The following MBIP variants were observed in gnomAD, a reference collection of about 807,000 sequenced individuals.
The protein encoded by MBIP is MAP3K12-binding inhibitory protein 1.
MBIP carries 32 observed loss-of-function variants against 45.7 expected under a neutral mutation model. The observed-to-expected ratio is 0.70, with a 90% CI of 0.53 to 0.94. MBIP has a LOEUF of 0.94. MBIP is among the 40% of genes least tolerant of loss of function. MBIP has a pLI of 0.00. For synonymous variants in MBIP, 145 were observed against 141.0 expected, an observed-to-expected ratio of 1.03 and a Z score of -0.20; for missense variants, 381 against 405.5, an observed-to-expected ratio of 0.94 and a Z score of 0.52.
chr14:36,299,243 G>T, intron 8 of MBIP, 53 bp from the exon 9 acceptor site: 1 of 1,188,942 alleles, frequency 8.4e-7, no homozygotes, highest in Non-Finnish European at 1.2e-6. Flanking sequence ...GTATCTTAAT[G>T]CAGATAAAGT....
chr14:36,320,381 C>T (rs1255267271), intron 1 of MBIP, 79 bp downstream of exon 1: 9 of 1,595,410 alleles, frequency 5.6e-6, no homozygotes, highest in African/African-American at 1.3e-5. Flanking sequence ...TAGCTGCCCC[C>T]GGCCTCTGCT....
chr14:36,307,872 T>C (rs555691666), intron 7 of MBIP: 8 of 305,090 alleles, frequency 2.6e-5, no homozygotes, highest in African/African-American at 1.1e-4. Context: ...GTGGGTAATA[T>C]ATAATAGAAG....
intron 7 of MBIP, among the ~76,000 whole-genome samples, chr14:36,301,720 A>G (rs1231008884): frequency 6.6e-6 from 1 of 152,256 alleles, no homozygotes; most frequent in African/African-American, 2.4e-5. Flanking sequence ...CAAATTTCTT[A>G]GTTGAAGCTA....
Position 36,314,642 on chromosome 14 carries a change from A to G in MBIP, c.475-34T>C, listed in dbSNP as rs752688629. ...AACAAGTTTTAACAGTGTAAACATA[A>G]GATTTTTTAAAATAATACCCTCTCG... On this transcript the variant is annotated intron_variant, in intron 3 of 8. Transcript: ENST00000416007. 3.7e-6 allele frequency: 6 copies of G among 1,606,468 alleles called. No individual in the cohort carries two copies. The Admixed American group carries it at 1.0e-4, about 27-fold the overall frequency.
At chr14:36,306,466 T>C (rs978653183) in intron 7 of MBIP, among the ~76,000 whole-genome samples, 1 of 152,020 alleles carries the variant, frequency 6.6e-6, no homozygotes, top group East Asian at 1.9e-4. Flanking sequence ...AGAGATGGGG[T>C]TTCTCCATGT....
Position 36,316,787 on chromosome 14 carries a change from T to A in MBIP, c.155A>T (p.Lys52Ile). 1 of 1,612,272 alleles carries A rather than the reference T, an allele frequency of 6.2e-7. No individual in the cohort carries two copies. Among genetic ancestry groups the A allele is most frequent in the Non-Finnish European group, 8.5e-7 (1 of 1,179,050 alleles). ...GAGCTTGTTCCAATCGATTGTAATTTTCACCACATCATCTCTGAGGTCAAG... is the reference window on the plus strand; with the variant it reads ...GAGCTTGTTCCAATCGATTGTAATTATCACCACATCATCTCTGAGGTCAAG... ...GQLDLRDDVV[K>I]ITIDWNKLQS... The change falls in exon 2 of 9, where the codon AAA (lysine) becomes ATA (isoleucine). Residue 52 changes from lysine to isoleucine, a missense_variant. By Grantham distance (102) the Lys-to-Ile change is moderately radical. Transcript: ENST00000416007.
intron 6 of MBIP, among the ~76,000 whole-genome samples, chr14:36,309,373 T>G (rs1880068991): frequency 6.6e-6 from 1 of 152,208 alleles, no homozygotes; most frequent in Non-Finnish European, 1.5e-5. Flanking sequence ...CAGAGTTTTA[T>G]CTGTTTTGTT....
At chr14:36,311,480 G>A in intron 6 of MBIP, 93 bp downstream of exon 6, 1 of 1,168,196 alleles carries the variant, frequency 8.6e-7, no homozygotes, top group Non-Finnish European at 1.2e-6. Context: ...AGAAATGTTA[G>A]GAGCTAAATG....
At position 36,308,200 on chromosome 14, in the gene MBIP, TAA is replaced by T; in HGVS notation, c.791-13_791-12del. ...TTGGCACTGGACCACCTAAATACAT[TAA>T]AAAAAAATCTGAGATACTATTGAAT... is the stretch of plus-strand genomic sequence containing the variant. On this transcript the variant is annotated splice_polypyrimidine_tract_variant and intron_variant, in intron 6 of 8. Transcript: ENST00000416007. 7.5e-7 allele frequency: 1 copy of T among 1,337,510 alleles called. No individual in the cohort carries two copies. Among genetic ancestry groups the T allele is most frequent in the Non-Finnish European group, 1.0e-6 (1 of 961,052 alleles). The allele number at this position is 1,337,510 out of a possible 1,614,324, so 82.9% of individuals were successfully genotyped here.
At chr14:36,309,258 T>A (rs1322144885) in intron 6 of MBIP, among the ~76,000 whole-genome samples, 1 of 152,188 alleles carries the variant, frequency 6.6e-6, no homozygotes, top group African/African-American at 2.4e-5. Context: ...CACTCCCTTA[T>A]CCTCCTTACC....
intron 7 of MBIP, chr14:36,305,263 ATCT>A (rs1353836285): frequency 6.6e-6 from 1 of 152,096 alleles, no homozygotes; most frequent in East Asian, 1.9e-4. Context: ...TGAGTATGAA[ATCT>A]TCTTTCCCAT....
In MBIP at chr14:36,320,569, A is replaced by T. The variant is rs2899849; in HGVS notation, c.20T>A (p.Leu7His). 0.92 allele frequency: 1,490,852 copies of T among 1,612,430 alleles called. 697,784 individuals are homozygous for T. Among genetic ancestry groups the T allele is most frequent in the East Asian group, 0.96 (42,964 of 44,750 alleles). The change falls in exon 1 of 9, where the codon CTT (leucine) becomes CAT (histidine). Residue 7 changes from leucine (L) to histidine (H), a missense_variant. Coordinates refer to ENST00000416007, the MANE Select transcript of MBIP (RefSeq NM_016586.3). MAAATE[L>H]NRPSSGDRNL... Reference sequence around the variant, plus strand: ...CCTGTCACCGCTGCTCGGGCGATTAAGCTCCGTGGCAGCAGCCATGATATC... The same window carrying T: ...CCTGTCACCGCTGCTCGGGCGATTATGCTCCGTGGCAGCAGCCATGATATC...
chr14:36,319,388 A>G (rs968831435), intron 1 of MBIP, among the ~76,000 whole-genome samples: 3 of 152,216 alleles, frequency 2.0e-5, no homozygotes, highest in African/African-American at 7.2e-5. Context: ...TTTAAAAGTT[A>G]TATCTTTAAG....
At chr14:36,309,646 T>C (rs1473416984) in intron 6 of MBIP, among the ~76,000 whole-genome samples, 1 of 152,236 alleles carries the variant, frequency 6.6e-6, no homozygotes, top group East Asian at 1.9e-4. Context: ...AGTTAACTTG[T>C]TCATTTGACT....
chr14:36,300,651 C>T (rs1291674387), intron 8 of MBIP, 134 bp downstream of exon 8: 2 of 573,232 alleles, frequency 3.5e-6, no homozygotes, highest in Non-Finnish European at 6.2e-6. Context: ...TTAGTTTATA[C>T]TGCCCTTTTC....
intron 6 of MBIP, among the ~76,000 whole-genome samples, chr14:36,310,460 G>C (rs1880133774): frequency 6.6e-6 from 1 of 152,176 alleles, no homozygotes; most frequent in South Asian, 2.1e-4. Flanking sequence ...CCTACCCTGA[G>C]AGAGTCAAAC....
Position 36,300,777 on chromosome 14 carries a change from T to C in MBIP, c.927+8A>G, listed in dbSNP as rs962021713. 2 of 1,545,914 alleles carry C rather than the reference T, an allele frequency of 1.3e-6. No homozygotes were observed. The highest frequency in any genetic ancestry group is 1.8e-6 in the Non-Finnish European group (2 of 1,139,074). On this transcript the variant is annotated splice_region_variant and intron_variant, in intron 8 of 8. Transcript: ENST00000416007. ...TTCAGAAACCAAAATGAAAATGCAGTAACTTACTTGAGGTGGTTGAACTTT... is the reference window on the plus strand; with the variant it reads ...TTCAGAAACCAAAATGAAAATGCAGCAACTTACTTGAGGTGGTTGAACTTT...
intron 1 of MBIP, among the ~76,000 whole-genome samples, chr14:36,317,489 T>C (rs968036654): frequency 1.2e-4 from 18 of 152,116 alleles, no homozygotes; most frequent in African/African-American, 4.3e-4. Flanking sequence ...TGAAATAAGT[T>C]GTCAGACTGG....
intron 6 of MBIP, among the ~76,000 whole-genome samples, chr14:36,311,073 G>A (rs1293044104): frequency 6.6e-6 from 1 of 152,160 alleles, no homozygotes; most frequent in African/African-American, 2.4e-5. Context: ...ACAGAAGTGG[G>A]CAGATTTGAG....
Sources: gnomAD v4.1 joint callset for allele counts (sites outside exome capture counted in the v4.1 genomes callset) on GRCh38, gnomAD v4.1.1 for gene constraint, MANE v1.5 for transcripts, NCBI Gene and HGNC (gene_info 2026-07-23, HGNC 2026-07-21) for gene names.